The following POLA2 variants were observed in gnomAD, a reference collection of about 807,000 sequenced individuals.
The protein encoded by POLA2 is DNA polymerase alpha subunit B.
A neutral mutation model predicts 82.8 loss-of-function variants in POLA2; 47 were observed. That is an observed-to-expected ratio of 0.57 (90% CI 0.45 to 0.72). The LOEUF (loss-of-function observed/expected upper bound fraction) is 0.72. POLA2 is among the 30% of genes least tolerant of loss of function. The pLI is 0.00. For missense variants in POLA2, 634 were observed against 728.1 expected (o/e 0.87, Z 1.49); for synonymous variants, 287 against 286.8 (o/e 1.00, Z -0.01).
At chr11:65,278,057 A>G (rs1949600170) in intron 5 of POLA2, among the ~76,000 whole-genome samples, 1 of 152,200 alleles carries the variant, frequency 6.6e-6, no homozygotes, top group Admixed American at 6.5e-5. Flanking sequence ...TTACAACCAG[A>G]GGATTAGAAG....
chr11:65,281,277 C>T (rs1050244946), intron 8 of POLA2, 130 bp downstream of exon 8: 1 of 937,102 alleles, frequency 1.1e-6, no homozygotes, highest in African/African-American at 1.6e-5. Flanking sequence ...GCACATGCCC[C>T]AGAGCAGACA....
chr11:65,262,296 T>C lies in POLA2; in HGVS notation c.4T>C (p.Ser2Pro), dbSNP rs751609052. ...CCGGCCCCTGGCTTGGGCGACCATG[T>C]CCGCATCCGCCCAGCAGCTGGCGGA... M[S>P]ASAQQLAEEL... Residue 2 changes from serine (S) to proline (P), a missense_variant, in exon 1 of 18, where the codon TCC becomes CCC. Physicochemically the swap from Ser to Pro is moderately conservative, Grantham distance 74. Coordinates refer to ENST00000265465, the MANE Select transcript of POLA2 (RefSeq NM_002689.4). The C allele has an allele frequency of 4.3e-6, 7 of 1,612,728 alleles. No homozygotes were observed. In the South Asian group the frequency reaches 7.7e-5, roughly 18 times the overall value.
intron 5 of POLA2, among the ~76,000 whole-genome samples, chr11:65,278,470 G>A (rs1010234267): frequency 1.3e-5 from 2 of 152,256 alleles, no homozygotes; most frequent in South Asian, 2.1e-4. Context: ...CCAAGAGAAC[G>A]ACAACTTTTT....
intron 5 of POLA2, among the ~76,000 whole-genome samples, chr11:65,276,953 G>A (rs1949587396): frequency 6.6e-6 from 1 of 151,956 alleles, no homozygotes; most frequent in Non-Finnish European, 1.5e-5. Flanking sequence ...ACCATGCCTG[G>A]CTAATTTTTG....
chr11:65,276,027 T>A lies in POLA2; in HGVS notation c.461+29T>A, dbSNP rs185308578. 277 of 1,366,312 alleles carry A rather than the reference T, an allele frequency of 2.0e-4. 1 individual carries two copies. In the Admixed American group the frequency reaches 4.4e-3, roughly 22 times the overall value. The allele number at this position is 1,366,312 out of a possible 1,614,324, so 84.6% of individuals were successfully genotyped here. A position where few individuals can be genotyped will look rare whatever the true frequency, so the allele number is the denominator to read the frequency against. On this transcript the variant is annotated intron_variant, in intron 5 of 17. Transcript: ENST00000265465. ...TGGATCATAATTCATTCAAGTGCCA[T>A]AAAGCTGGCCTCCCCTCCCCTTTCT... is the stretch of plus-strand genomic sequence containing the variant.
At chr11:65,283,476 C>CT (rs377428812) in intron 10 of POLA2, among the ~76,000 whole-genome samples, 1,674 of 146,548 alleles carry the variant, frequency 0.011, 27 homozygotes, top group African/African-American at 0.037. Context: ...AAATAACTTC[C>CT]TTTTTTTTTT....
chr11:65,295,416 C>T, intron 15 of POLA2, 124 bp from the exon 16 acceptor site: 8 of 808,572 alleles, frequency 9.9e-6, no homozygotes, highest in Non-Finnish European at 1.7e-5. Flanking sequence ...CAGAGGCATC[C>T]TCCTCTTGTT....
At chr11:65,264,645 A>G (rs1183101367) in intron 1 of POLA2, among the ~76,000 whole-genome samples, 3 of 152,144 alleles carry the variant, frequency 2.0e-5, no homozygotes, top group Non-Finnish European at 1.5e-5. Context: ...TACCACCATT[A>G]TGTCTCACTG....
chr11:65,274,048 G>T (rs1376217177), intron 4 of POLA2, among the ~76,000 whole-genome samples: 1 of 152,054 alleles, frequency 6.6e-6, no homozygotes, highest in Non-Finnish European at 1.5e-5. Context: ...AATCATTGTA[G>T]GTCAGTTTAA....
At chr11:65,299,982 A>G (rs922392291), downstream of POLA2, among the ~76,000 whole-genome samples, 6 of 152,030 alleles carry the variant, frequency 3.9e-5, no homozygotes, top group Admixed American at 1.3e-4. Flanking sequence ...GTGAGCCACC[A>G]TGCCCATTTT....
intron 17 of POLA2, 94 bp downstream of exon 17, chr11:65,296,084 C>A: frequency 1.4e-6 from 2 of 1,411,700 alleles, no homozygotes; most frequent in Admixed American, 1.7e-5. Context: ...CATGGGTCAG[C>A]TGATGGGGAT....
chr11:65,278,792 G>C lies in POLA2; in HGVS notation c.524G>C (p.Gly175Ala). Reference sequence around the variant, plus strand: ...CGAGGAGAAGTGGTTACCTCCTTCGGCTTAGCACAGGGAGTATCTTGGTCT... The same window carrying C: ...CGAGGAGAAGTGGTTACCTCCTTCGCCTTAGCACAGGGAGTATCTTGGTCT... ...SNRGEVVTSFGLAQGVSWSGR... is the reference protein window; with the variant it reads ...SNRGEVVTSFALAQGVSWSGR... The change falls in exon 6 of 18, where the codon GGC becomes GCC. Residue 175 changes from glycine (G) to alanine (A), a missense_variant. Coordinates refer to ENST00000265465, the MANE Select transcript of POLA2 (RefSeq NM_002689.4). The C allele has an allele frequency of 6.2e-7, 1 of 1,613,788 alleles. No individual in the cohort carries two copies. Among genetic ancestry groups the C allele is most frequent in the South Asian group, 1.1e-5 (1 of 91,062 alleles).
At chr11:65,277,234 GTGGCACAAC>G (rs1949591825) in intron 5 of POLA2, among the ~76,000 whole-genome samples, 1 of 149,136 alleles carries the variant, frequency 6.7e-6, no homozygotes, top group African/African-American at 2.5e-5. Context: ...CTGGAGTGCA[GTGGCACAAC>G]TATAGCTCAC....
chr11:65,262,273 G>C lies in POLA2; in HGVS notation c.-20G>C. On this transcript the variant is annotated 5_prime_UTR_variant, in exon 1 of 18. Coordinates refer to ENST00000265465, the MANE Select transcript of POLA2 (RefSeq NM_002689.4). ...TCGGAGCTGGGTGGGCCGGCTCCCCGGCCCCTGGCTTGGGCGACCATGTCC... is the reference window on the plus strand; with the variant it reads ...TCGGAGCTGGGTGGGCCGGCTCCCCCGCCCCTGGCTTGGGCGACCATGTCC... 6.2e-7 allele frequency: 1 copy of C among 1,607,328 alleles called. No homozygotes were observed. The highest frequency in any genetic ancestry group is 8.5e-7 in the Non-Finnish European group (1 of 1,176,516).
At chr11:65,268,975 A>G (rs975979440) in intron 4 of POLA2, among the ~76,000 whole-genome samples, 9 of 152,136 alleles carry the variant, frequency 5.9e-5, no homozygotes, top group Non-Finnish European at 1.2e-4. Context: ...TTTCTCCATA[A>G]TTGCCCTTTT....
chr11:65,297,104 C>T lies in POLA2; in HGVS notation c.1648-16C>T. On this transcript the variant is annotated splice_polypyrimidine_tract_variant and intron_variant, in intron 17 of 17. Transcript: ENST00000265465. ...TTGAGGCTCTCCAAACCTGTCACCT[C>T]TCCTCTCCTCCCCAGGATGTCCTCG... 2 of 1,613,828 alleles carry T rather than the reference C, an allele frequency of 1.2e-6. No individual in the cohort carries two copies. Among genetic ancestry groups the T allele is most frequent in the Non-Finnish European group, 1.7e-6 (2 of 1,179,870 alleles).
chr11:65,296,038 T>G, intron 17 of POLA2, 48 bp downstream of exon 17: 1 of 1,612,094 alleles, frequency 6.2e-7, no homozygotes, highest in Non-Finnish European at 8.5e-7. Flanking sequence ...ACCCAGTCTT[T>G]GACTTTCCCT....
chr11:65,265,246 G>T (rs1949446916), intron 1 of POLA2, among the ~76,000 whole-genome samples: 1 of 150,186 alleles, frequency 6.7e-6, no homozygotes, highest in Admixed American at 6.7e-5. Context: ...AAAGGGGGGG[G>T]GCCTTGCCAT....
chr11:65,293,206 G>A (rs1949773009), intron 13 of POLA2, among the ~76,000 whole-genome samples: 1 of 152,122 alleles, frequency 6.6e-6, no homozygotes, highest in Admixed American at 6.6e-5. Context: ...ATGGCTCAGG[G>A]AGAGGCCGCT....
Sources: allele counts gnomAD v4.1 joint callset (sites outside exome capture counted in the v4.1 genomes callset), GRCh38; gene constraint gnomAD v4.1.1; transcripts MANE v1.5; gene names NCBI Gene and HGNC (gene_info 2026-07-23, HGNC 2026-07-21).